The following DISC1 variants were observed in gnomAD, a reference collection of about 807,000 sequenced individuals.
The protein encoded by DISC1 is DISC1 scaffold protein, also known as disrupted in schizophrenia 1 protein.
DISC1 carries 57 observed loss-of-function variants against 84.5 expected under a neutral mutation model. The ratio of observed to expected loss-of-function variants is 0.67; its 90% CI spans 0.55 to 0.84. The LOEUF (loss-of-function observed/expected upper bound fraction) is 0.84, where lower values mean the gene tolerates loss of function less well. Ranked by LOEUF, DISC1 falls within the 40% of genes least tolerant of loss-of-function variation. DISC1 has a pLI of 0.00. For synonymous variants in DISC1, 411 were observed against 415.2 expected (o/e 0.99, Z 0.12); for missense variants, 1,000 against 1,057.8 (o/e 0.95, Z 0.76).
In DISC1 at chr1:231,863,734, A is replaced by G. The variant is rs185313475; in HGVS notation, c.1981+45217A>G. ...TCCATTTCTTTGCCCTGGGCTTTTT[A>G]AGAAAGTAGGGCAATGAGTCCCTGG... On this transcript the variant is annotated intron_variant, in intron 9 of 12. Transcript: ENST00000439617. 1.8e-3 allele frequency among the ~76,000 whole-genome samples: 275 copies of G among 152,290 alleles called. 1 individual carries two copies. The highest frequency in any genetic ancestry group is 6.8e-3 in the Middle Eastern group (2 of 294).
chr1:231,854,659 A>ACTTGGAGGTACTTGGAG (rs1558654240), intron 9 of DISC1: 1 of 158,890 alleles, frequency 6.3e-6, no homozygotes, highest in Admixed American at 6.4e-5. Flanking sequence ...TGTGGTGTGT[A>ACTTGGAGGTACTTGGAG]GTGTATCACC....
At chr1:231,916,580 G>A (rs1429798264) in intron 9 of DISC1, among the ~76,000 whole-genome samples, 1 of 148,970 alleles carries the variant, frequency 6.7e-6, no homozygotes, top group Non-Finnish European at 1.5e-5. Context: ...GCGTGAACCC[G>A]GGAGGCGGAG....
At chr1:231,702,538 C>A (rs2066547712) in intron 3 of DISC1, 2 of 985,360 alleles carry the variant, frequency 2.0e-6, no homozygotes, top group South Asian at 9.4e-5. Context: ...AAGGGGGTCA[C>A]ATGCATCAAA....
intron 9 of DISC1, among the ~76,000 whole-genome samples, chr1:231,899,731 AT>A (rs1163496729): frequency 2.0e-5 from 3 of 152,230 alleles, no homozygotes; most frequent in Non-Finnish European, 4.4e-5. Context: ...AAGCATGAGC[AT>A]TTGATTATTG....
intron 4 of DISC1, among the ~76,000 whole-genome samples, chr1:231,757,848 G>A (rs988937639): frequency 1.3e-5 from 2 of 152,154 alleles, no homozygotes; most frequent in South Asian, 2.1e-4. Flanking sequence ...ATGCTGCAGC[G>A]GACAGTTTGG....
At chr1:232,010,226 C>T (rs888382048) in intron 11 of DISC1, among the ~76,000 whole-genome samples, 1 of 152,208 alleles carries the variant, frequency 6.6e-6, no homozygotes, top group East Asian at 1.9e-4. Flanking sequence ...GTGGAATCCT[C>T]CAGCAAAGCC....
intron 9 of DISC1, among the ~76,000 whole-genome samples, chr1:231,916,892 A>G (rs1364352823): frequency 6.6e-6 from 1 of 152,092 alleles, no homozygotes; most frequent in African/African-American, 2.4e-5. Flanking sequence ...TGCACCTAGA[A>G]ACCTTCCCTG....
chr1:232,025,883 C>T (rs1240882287), intron 11 of DISC1, among the ~76,000 whole-genome samples: 4 of 152,138 alleles, frequency 2.6e-5, no homozygotes, highest in Admixed American at 2.6e-4. Flanking sequence ...TGCTCTTATG[C>T]GGCTTAAGCT....
intron 9 of DISC1, among the ~76,000 whole-genome samples, chr1:231,835,820 A>C (rs1279064474): frequency 6.6e-6 from 1 of 152,184 alleles, no homozygotes; most frequent in Non-Finnish European, 1.5e-5. Context: ...ACAAAGTATA[A>C]AAAATAATAT....
chr1:232,025,628 G>T (rs1669381093), intron 11 of DISC1, among the ~76,000 whole-genome samples: 1 of 141,438 alleles, frequency 7.1e-6, no homozygotes, highest in Non-Finnish European at 1.5e-5. Flanking sequence ...ACGGAGTCTC[G>T]CTCTGTCGCC....
At chr1:231,647,534 C>A (rs1222671840) in intron 1 of DISC1, among the ~76,000 whole-genome samples, 2 of 152,146 alleles carry the variant, frequency 1.3e-5, no homozygotes, top group African/African-American at 4.8e-5. Context: ...ATTGTTTTGG[C>A]AATGCAGGCT....
At chr1:231,950,578 T>C (rs1658188333) in intron 9 of DISC1, among the ~76,000 whole-genome samples, 1 of 152,212 alleles carries the variant, frequency 6.6e-6, no homozygotes, top group Admixed American at 6.5e-5. Context: ...ACTGACCTGC[T>C]TTCCATACCG....
At chr1:231,708,701 C>T (rs2067412631) in intron 3 of DISC1, among the ~76,000 whole-genome samples, 1 of 152,158 alleles carries the variant, frequency 6.6e-6, no homozygotes, top group Admixed American at 6.5e-5. Context: ...GTCTCCCATC[C>T]CTACTGGGTC....
intron 9 of DISC1, among the ~76,000 whole-genome samples, chr1:231,830,943 C>G (rs932248609): frequency 5.3e-5 from 8 of 152,156 alleles, no homozygotes; most frequent in African/African-American, 1.9e-4. Flanking sequence ...GCCTGAAAAA[C>G]TGCTTGGCTG....
chr1:231,763,892 C>CT (rs576896754), intron 4 of DISC1, among the ~76,000 whole-genome samples: 104 of 152,280 alleles, frequency 6.8e-4, no homozygotes, highest in African/African-American at 2.4e-3. Flanking sequence ...AATGTTTTTT[C>CT]TTTTTCTGAA....
At chr1:231,805,878 C>T (rs1008832803) in intron 8 of DISC1, among the ~76,000 whole-genome samples, 1 of 152,190 alleles carries the variant, frequency 6.6e-6, no homozygotes, top group Non-Finnish European at 1.5e-5. Flanking sequence ...AGAGATTTCT[C>T]AGTTTTTGAG....
chr1:231,653,404 C>T (rs952370970), intron 1 of DISC1, among the ~76,000 whole-genome samples: 1 of 152,074 alleles, frequency 6.6e-6, no homozygotes, highest in Non-Finnish European at 1.5e-5. Context: ...TTGCCCTGGC[C>T]CTTGCTGCTT....
intron 9 of DISC1, among the ~76,000 whole-genome samples, chr1:231,951,514 C>T (rs1658362370): frequency 6.6e-6 from 1 of 152,196 alleles, no homozygotes; most frequent in Non-Finnish European, 1.5e-5. Context: ...CATGGAAAAT[C>T]CTTTAAGATC....
At chr1:231,878,793 C>T (rs903021522) in intron 9 of DISC1, among the ~76,000 whole-genome samples, 1 of 152,156 alleles carries the variant, frequency 6.6e-6, no homozygotes, top group African/African-American at 2.4e-5. Flanking sequence ...AAGTCCTCAG[C>T]ATGTTCCAAA....
Sources: gnomAD v4.1 joint callset for allele counts (sites outside exome capture counted in the v4.1 genomes callset) on GRCh38, gnomAD v4.1.1 for gene constraint, MANE v1.5 for transcripts, NCBI Gene and HGNC (gene_info 2026-07-23, HGNC 2026-07-21) for gene names.